The following EPHA6 variants were observed in gnomAD, a reference collection of about 807,000 sequenced individuals.
The protein encoded by EPHA6 is ephrin type-A receptor 6.
EPHA6 carries 50 observed loss-of-function variants against 112.0 expected under a neutral mutation model. That is an observed-to-expected ratio of 0.45 (90% CI 0.36 to 0.56). The LOEUF (loss-of-function observed/expected upper bound fraction) is 0.56. Ranked by LOEUF, EPHA6 falls within the 20% of genes least tolerant of loss-of-function variation. The pLI is 0.00. For synonymous variants in EPHA6, 529 were observed against 490.7 expected (o/e 1.08, Z -1.03); for missense variants, 1,280 against 1,417.4 (o/e 0.90, Z 1.56).
chr3:97,285,515 A>G (rs1319473776), intron 5 of EPHA6, among the ~76,000 whole-genome samples: 1 of 152,058 alleles, frequency 6.6e-6, no homozygotes, highest in Non-Finnish European at 1.5e-5. Context: ...TAACATAAAG[A>G]CCATCATTTG....
At chr3:96,959,115 A>C (rs2041869074) in intron 2 of EPHA6, among the ~76,000 whole-genome samples, 1 of 152,198 alleles carries the variant, frequency 6.6e-6, no homozygotes, top group Non-Finnish European at 1.5e-5. Context: ...GCCAGTTTAC[A>C]TTCCCACCAG....
At chr3:97,691,566 A>G (rs940114487) in intron 14 of EPHA6, among the ~76,000 whole-genome samples, 1 of 152,186 alleles carries the variant, frequency 6.6e-6, no homozygotes, top group Admixed American at 6.5e-5. Context: ...GGAAAGGGTT[A>G]CTGACTTCTA....
intron 11 of EPHA6, among the ~76,000 whole-genome samples, chr3:97,588,527 A>T (rs1223656616): frequency 6.6e-6 from 1 of 152,230 alleles, no homozygotes; most frequent in Non-Finnish European, 1.5e-5. Flanking sequence ...TAAATTATTA[A>T]CATGTCATCT....
intron 5 of EPHA6, among the ~76,000 whole-genome samples, chr3:97,342,947 G>T (rs1040151443): frequency 6.6e-6 from 1 of 152,190 alleles, no homozygotes; most frequent in East Asian, 1.9e-4. Flanking sequence ...CAGAGAGGTG[G>T]AGAAATAGTG....
intron 2 of EPHA6, among the ~76,000 whole-genome samples, chr3:96,890,101 A>G (rs1473651944): frequency 2.0e-5 from 3 of 151,134 alleles, no homozygotes; most frequent in African/African-American, 7.3e-5. Flanking sequence ...GTAGATATTT[A>G]TTAAACCGAA....
At chr3:96,857,622 T>C (rs375126819) in intron 1 of EPHA6, among the ~76,000 whole-genome samples, 1 of 152,248 alleles carries the variant, frequency 6.6e-6, no homozygotes. Flanking sequence ...CTGTTTAATG[T>C]GTAAATGATA....
intron 3 of EPHA6, among the ~76,000 whole-genome samples, chr3:97,224,691 G>A (rs921653665): frequency 1.3e-5 from 2 of 151,106 alleles, no homozygotes; most frequent in Non-Finnish European, 3.0e-5. Flanking sequence ...AATTTTAAAC[G>A]GTCTTATTCT....
intron 6 of EPHA6, among the ~76,000 whole-genome samples, chr3:97,444,595 A>G (rs190293743): frequency 6.6e-5 from 10 of 152,154 alleles, no homozygotes; most frequent in Admixed American, 3.9e-4. Context: ...CCTAAAAGGT[A>G]ATTTGCCAGG....
chr3:96,934,410 CTTCTAT>C (rs2040480957), intron 2 of EPHA6, among the ~76,000 whole-genome samples: 1 of 151,616 alleles, frequency 6.6e-6, no homozygotes, highest in African/African-American at 2.4e-5. Context: ...TAAATTACCA[CTTCTAT>C]AAGTGATCAT....
At chr3:97,585,846 T>C in intron 11 of EPHA6, among the ~76,000 whole-genome samples, 1 of 151,130 alleles carries the variant, frequency 6.6e-6, no homozygotes. Flanking sequence ...TATTTGATTT[T>C]CTATTTTTGT....
At chr3:97,389,146 G>C (rs549250107) in intron 5 of EPHA6, among the ~76,000 whole-genome samples, 1 of 152,226 alleles carries the variant, frequency 6.6e-6, no homozygotes, top group African/African-American at 2.4e-5. Context: ...ACTGACCATT[G>C]ATTAAAATTG....
intron 12 of EPHA6, among the ~76,000 whole-genome samples, chr3:97,606,681 T>C (rs1040349092): frequency 6.6e-6 from 1 of 151,368 alleles, no homozygotes; most frequent in East Asian, 1.9e-4. Context: ...AGTACTTATG[T>C]GAATAAAAAC....
chr3:97,243,742 A>C (rs2078913131), intron 4 of EPHA6, among the ~76,000 whole-genome samples: 1 of 151,868 alleles, frequency 6.6e-6, no homozygotes, highest in Non-Finnish European at 1.5e-5. Flanking sequence ...ATACTCCAAA[A>C]ATTTATGATA....
intron 1 of EPHA6, among the ~76,000 whole-genome samples, chr3:96,856,557 T>A (rs535673127): frequency 7.9e-5 from 12 of 152,282 alleles, no homozygotes; most frequent in African/African-American, 2.9e-4. Flanking sequence ...TATAACATAT[T>A]TTGCAAATAG....
At chr3:96,950,321 C>T (rs1325611863) in intron 2 of EPHA6, among the ~76,000 whole-genome samples, 1 of 152,110 alleles carries the variant, frequency 6.6e-6, no homozygotes, top group Non-Finnish European at 1.5e-5. Flanking sequence ...ATGCCATGCC[C>T]TCACCTATAA....
intron 10 of EPHA6, among the ~76,000 whole-genome samples, chr3:97,525,936 G>T (rs1003853400): frequency 1.2e-4 from 18 of 152,138 alleles, no homozygotes; most frequent in African/African-American, 4.3e-4. Context: ...TGGGTCACTG[G>T]CAGGACTCCT....
chr3:97,415,056 G>T (rs2088019515), intron 6 of EPHA6, among the ~76,000 whole-genome samples: 1 of 151,854 alleles, frequency 6.6e-6, no homozygotes, highest in Non-Finnish European at 1.5e-5. Flanking sequence ...GCTCGAAAAA[G>T]GTAACTCAGA....
intron 14 of EPHA6, among the ~76,000 whole-genome samples, chr3:97,642,460 GAGA>G (rs1444610605): frequency 1.4e-5 from 2 of 145,826 alleles, no homozygotes; most frequent in African/African-American, 5.1e-5. Flanking sequence ...GACGAGCTGA[GAGA>G]AGAAGGCTTC....
chr3:97,541,115 C>A (rs1371591320), intron 11 of EPHA6, among the ~76,000 whole-genome samples: 3 of 151,460 alleles, frequency 2.0e-5, no homozygotes, highest in African/African-American at 7.3e-5. Flanking sequence ...CCTTTTAATG[C>A]AATTTCTAGT....
Sources: gnomAD v4.1 joint callset for allele counts (sites outside exome capture counted in the v4.1 genomes callset) on GRCh38, gnomAD v4.1.1 for gene constraint, MANE v1.5 for transcripts, NCBI Gene and HGNC (gene_info 2026-07-23, HGNC 2026-07-21) for gene names.